RAB10: variants seen among roughly 807,000 people sequenced by gnomAD.
RAB10 encodes the protein ras-related protein Rab-10.
Under a neutral mutation model 25.7 loss-of-function variants are expected in RAB10, and 5 were observed. The ratio of observed to expected loss-of-function variants is 0.19; its 90% confidence interval spans 0.10 to 0.41. The LOEUF (loss-of-function observed/expected upper bound fraction) is 0.41, where lower values mean the gene tolerates loss of function less well. Ranked by LOEUF, RAB10 falls within the 10% of genes least tolerant of loss-of-function variation. RAB10 has a pLI of 1.00. For missense variants in RAB10, 103 were observed against 245.8 expected, an observed-to-expected ratio of 0.42 and a Z score of 3.89; for synonymous variants, 89 against 86.4, an observed-to-expected ratio of 1.03 and a Z score of -0.16.
chr2:26,102,046 C>A, intron 2 of RAB10: 1 of 152,660 alleles, frequency 6.6e-6, no homozygotes, highest in Non-Finnish European at 1.5e-5. Context: ...GCCTCAGCAG[C>A]AACCCTGGCC....
At chr2:26,068,744 C>G (rs1666563136) in intron 1 of RAB10, among the ~76,000 whole-genome samples, 1 of 152,160 alleles carries the variant, frequency 6.6e-6, no homozygotes, top group Non-Finnish European at 1.5e-5. Flanking sequence ...TCGCTTAACT[C>G]TGGTTAACAT....
intron 1 of RAB10, among the ~76,000 whole-genome samples, chr2:26,054,976 A>G (rs13024990): frequency 6.9e-6 from 1 of 145,016 alleles, no homozygotes; most frequent in East Asian, 2.0e-4. Flanking sequence ...GTGAGACCCC[A>G]CCTTAAAAAA....
chr2:26,063,608 T>A (rs1419061685), intron 1 of RAB10, among the ~76,000 whole-genome samples: 5 of 152,218 alleles, frequency 3.3e-5, no homozygotes, highest in African/African-American at 1.2e-4. Context: ...TTATAATCTT[T>A]ATTCAAGCTT....
In RAB10 at chr2:26,049,749, C is replaced by A. The variant is rs79370875; in HGVS notation, c.127+15014C>A. The stretch of plus-strand genomic sequence containing the variant: ...TCTCATCCCGCTCTCTGTTTCAGTT[C>A]TTTGTTAAAATGGTATGCAGTGGTT... On this transcript the variant is annotated intron_variant, in intron 1 of 5. Transcript: ENST00000264710. 7.6e-3 allele frequency among the ~76,000 whole-genome samples: 1,156 copies of A among 152,190 alleles called. 10 individuals are homozygous for A. The highest frequency in any genetic ancestry group is 0.012 in the Non-Finnish European group (808 of 68,006).
intron 2 of RAB10, among the ~76,000 whole-genome samples, chr2:26,103,451 C>G (rs1667386082): frequency 6.6e-6 from 1 of 152,156 alleles, no homozygotes; most frequent in Admixed American, 6.5e-5. Context: ...AGGGTTTAAA[C>G]TACTGTAAGG....
At chr2:26,071,730 G>A (rs1666630772) in intron 1 of RAB10, among the ~76,000 whole-genome samples, 1 of 151,380 alleles carries the variant, frequency 6.6e-6, no homozygotes, top group South Asian at 2.1e-4. Flanking sequence ...AGCCAGTCAA[G>A]GTCACTCTTG....
rs4665300 is a variant in RAB10 at position 26,034,380 on chromosome 2, C to G, written c.-229C>G. On this transcript the variant is annotated 5_prime_UTR_variant, in exon 1 of 6. Coordinates refer to ENST00000264710, the MANE Select transcript of RAB10 (RefSeq NM_016131.5). ...GACCGACTCCCCGGAACCGGGCGGA[C>G]GGGCTGGGAGAGGCTGCGGAGCCGC... 1 allele frequency: 599,317 copies of G among 599,336 alleles called. 299,649 individuals are homozygous for G. Among genetic ancestry groups the G allele is most frequent in the Middle Eastern group, 1 (2,238 of 2,238 alleles). The allele number at this position is 599,336 out of a possible 1,614,324, so 37.1% of individuals were successfully genotyped here. A position where few individuals can be genotyped will look rare whatever the true frequency, so the allele number is the denominator to read the frequency against.
intron 1 of RAB10, among the ~76,000 whole-genome samples, chr2:26,054,903 C>T (rs759674355): frequency 6.6e-6 from 1 of 151,870 alleles, no homozygotes; most frequent in South Asian, 2.1e-4. Context: ...GTTGCTTGAG[C>T]CCAGGAGGTG....
chr2:26,125,963 C>CTTT (rs1271759260), intron 3 of RAB10, among the ~76,000 whole-genome samples: 4 of 152,074 alleles, frequency 2.6e-5, no homozygotes, highest in African/African-American at 7.2e-5. Context: ...TGTCCTGAAG[C>CTTT]TTTTCCCTAT....
At chr2:26,067,047 G>C (rs1666528780) in intron 1 of RAB10, among the ~76,000 whole-genome samples, 1 of 152,090 alleles carries the variant, frequency 6.6e-6, no homozygotes, top group African/African-American at 2.4e-5. Flanking sequence ...CTCCCAAAGT[G>C]CTGGGATTAT....
chr2:26,115,902 C>G (rs1403646384), intron 3 of RAB10, among the ~76,000 whole-genome samples: 1 of 148,608 alleles, frequency 6.7e-6, no homozygotes, highest in East Asian at 2.0e-4. Flanking sequence ...CTCTGTCGCC[C>G]AGGCTGGAGT....
chr2:26,127,838 T>C lies in RAB10; in HGVS notation c.418-12T>C. The C allele has an allele frequency of 6.4e-7, 1 of 1,557,248 alleles. No individual in the cohort carries two copies. Among genetic ancestry groups the C allele is most frequent in the Non-Finnish European group, 8.9e-7 (1 of 1,128,622 alleles). On this transcript the variant is annotated splice_polypyrimidine_tract_variant and intron_variant, in intron 4 of 5. Coordinates refer to ENST00000264710, the MANE Select transcript of RAB10 (RefSeq NM_016131.5). ...TTGATAATTTTATGATGATATTTTGTTTCTGTTTTAGATTGCAAGGGAGCA... is the reference window on the plus strand; with the variant it reads ...TTGATAATTTTATGATGATATTTTGCTTCTGTTTTAGATTGCAAGGGAGCA...
At chr2:26,094,758 C>T (rs1212917662) in intron 1 of RAB10, among the ~76,000 whole-genome samples, 2 of 152,100 alleles carry the variant, frequency 1.3e-5, no homozygotes, top group African/African-American at 4.8e-5. Flanking sequence ...GGAGTTTCAC[C>T]ACATTGGCCA....
In RAB10 at chr2:26,134,927, G is replaced by A; in HGVS notation, c.520-11G>A. 6.2e-7 allele frequency: 1 copy of A among 1,602,780 alleles called. No individual in the cohort carries two copies. On this transcript the variant is annotated splice_polypyrimidine_tract_variant and intron_variant, in intron 5 of 5. Transcript: ENST00000264710. ...TTTTCATGAGTTATTTTCCTTGTGTGTTTGTTGCAGACCCCTGTAAAAGAG... is the reference window on the plus strand; with the variant it reads ...TTTTCATGAGTTATTTTCCTTGTGTATTTGTTGCAGACCCCTGTAAAAGAG...
intron 1 of RAB10, among the ~76,000 whole-genome samples, chr2:26,088,914 T>G (rs1014547515): frequency 2.0e-5 from 3 of 151,350 alleles, no homozygotes; most frequent in Non-Finnish European, 4.4e-5. Flanking sequence ...TGAGCCACCA[T>G]GCCCGGCTTA....
intron 2 of RAB10, among the ~76,000 whole-genome samples, chr2:26,100,509 A>G (rs1338096860): frequency 6.6e-6 from 1 of 152,078 alleles, no homozygotes; most frequent in African/African-American, 2.4e-5. Flanking sequence ...CTAGGAATTA[A>G]AAAGGTATAT....
At chr2:26,038,520 C>G (rs1160155298) in intron 1 of RAB10, among the ~76,000 whole-genome samples, 1 of 152,028 alleles carries the variant, frequency 6.6e-6, no homozygotes, top group Admixed American at 6.6e-5. Flanking sequence ...TTCATACTTT[C>G]AGGTAAAAAT....
At chr2:26,104,937 C>T (rs1667436644) in intron 2 of RAB10, among the ~76,000 whole-genome samples, 1 of 152,026 alleles carries the variant, frequency 6.6e-6, no homozygotes. Flanking sequence ...TGGGTTTTCA[C>T]TGTGTTAGCC....
chr2:26,108,729 G>A (rs929595975), intron 2 of RAB10, among the ~76,000 whole-genome samples: 5 of 152,070 alleles, frequency 3.3e-5, no homozygotes, highest in African/African-American at 1.2e-4. Flanking sequence ...GGAAAAGCTG[G>A]GTGAAAGGTA....
Sources: gnomAD v4.1 joint callset for allele counts (sites outside exome capture counted in the v4.1 genomes callset) on GRCh38, gnomAD v4.1.1 for gene constraint, MANE v1.5 for transcripts, NCBI Gene and HGNC (gene_info 2026-07-23, HGNC 2026-07-21) for gene names.